Variants in SLC35D4 observed in about 807,000 individuals in gnomAD.
SLC35D4 encodes UDP-N-acetylglucosamine transporter SLC35D4.
At chr18:23,341,988 C>T in the SLC35D4 span, among the ~76,000 whole-genome samples, 1 of 69,814 alleles carries the variant, frequency 1.4e-5, no homozygotes. Flanking sequence ...AACTCATATA[C>T]ACAGGAAAAA....
chr18:23,400,552 A>G, the SLC35D4 span, among the ~76,000 whole-genome samples: 5 of 152,172 alleles, frequency 3.3e-5, no homozygotes, highest in Admixed American at 1.3e-4. Context: ...ACCTGAGCTC[A>G]GGAGGCAGAG....
the SLC35D4 span, among the ~76,000 whole-genome samples, chr18:23,254,251 G>A: frequency 2.6e-5 from 4 of 152,244 alleles, no homozygotes; most frequent in Admixed American, 2.6e-4. Flanking sequence ...CCCCCAGGCA[G>A]TGTGACCCAC....
the SLC35D4 span, among the ~76,000 whole-genome samples, chr18:23,264,049 G>A: frequency 2.0e-5 from 3 of 152,240 alleles, no homozygotes; most frequent in East Asian, 5.8e-4. Flanking sequence ...CACTGGTTGA[G>A]TTAAATGAGC....
chr18:23,426,668 T>C, the SLC35D4 span, among the ~76,000 whole-genome samples: 5 of 152,300 alleles, frequency 3.3e-5, no homozygotes, highest in African/African-American at 1.2e-4. Context: ...AAAAAACTAC[T>C]TTAAAGTTCA....
At chr18:23,388,511 T>G in the SLC35D4 span, among the ~76,000 whole-genome samples, 1 of 152,182 alleles carries the variant, frequency 6.6e-6, no homozygotes. Context: ...AGCCCACACC[T>G]TCTAGCCTTG....
the SLC35D4 span, among the ~76,000 whole-genome samples, chr18:23,392,969 G>A: frequency 3.2e-3 from 487 of 152,250 alleles, 5 homozygotes; most frequent in African/African-American, 0.011. Context: ...AGGCTGCAGT[G>A]CAGTGGCATG....
chr18:23,250,940 C>T, the SLC35D4 span, among the ~76,000 whole-genome samples: 2 of 152,202 alleles, frequency 1.3e-5, no homozygotes, highest in Admixed American at 1.3e-4. Context: ...GTGCTGGCTG[C>T]TTGCCTCCTC....
chr18:23,338,772 C>T, the SLC35D4 span, among the ~76,000 whole-genome samples: 1 of 152,198 alleles, frequency 6.6e-6, no homozygotes, highest in South Asian at 2.1e-4. Context: ...TCTGTACCCA[C>T]AATGCGCTCC....
the SLC35D4 span, chr18:23,399,544 C>T: frequency 1.2e-6 from 2 of 1,610,572 alleles, no homozygotes; most frequent in East Asian, 2.2e-5. Flanking sequence ...GGAGTTGTTT[C>T]CCCTGAACCT....
chr18:23,405,245 T>G, the SLC35D4 span, among the ~76,000 whole-genome samples: 1 of 152,136 alleles, frequency 6.6e-6, no homozygotes, highest in Non-Finnish European at 1.5e-5. Flanking sequence ...TGGAGTGCAA[T>G]GGCACAATCT....
the SLC35D4 span, among the ~76,000 whole-genome samples, chr18:23,424,420 C>T: frequency 6.6e-6 from 1 of 152,194 alleles, no homozygotes; most frequent in South Asian, 2.1e-4. Context: ...TTGTTCTAGG[C>T]ACTTGGAATA....
the SLC35D4 span, chr18:23,297,838 C>T: frequency 1.4e-6 from 1 of 737,050 alleles, no homozygotes; most frequent in Non-Finnish European, 2.2e-6. Context: ...CATCAGCCAC[C>T]ACCACATTCA....
the SLC35D4 span, among the ~76,000 whole-genome samples, chr18:23,435,431 T>G: frequency 6.6e-6 from 1 of 152,012 alleles, no homozygotes; most frequent in Admixed American, 6.6e-5. Flanking sequence ...ATTAGAAGAG[T>G]TAAATTGAAA....
the SLC35D4 span, among the ~76,000 whole-genome samples, chr18:23,248,756 C>A: frequency 1.1e-4 from 17 of 152,204 alleles, no homozygotes; most frequent in African/African-American, 3.9e-4. Context: ...ACCCAGGAGG[C>A]AGGGTGTGCA....
At chr18:23,255,923 A>C in the SLC35D4 span, among the ~76,000 whole-genome samples, 1 of 152,174 alleles carries the variant, frequency 6.6e-6, no homozygotes, top group Admixed American at 6.5e-5. Context: ...ATGCACATTT[A>C]ATCATAGTTG....
the SLC35D4 span, among the ~76,000 whole-genome samples, chr18:23,434,440 A>C: frequency 6.6e-6 from 1 of 152,156 alleles, no homozygotes; most frequent in Non-Finnish European, 1.5e-5. Context: ...ATTTGGTTTA[A>C]TTTCATCTAA....
At chr18:23,313,954 T>C in the SLC35D4 span, among the ~76,000 whole-genome samples, 1 of 152,382 alleles carries the variant, frequency 6.6e-6, no homozygotes, top group Middle Eastern at 3.4e-3. Flanking sequence ...CTTGGCCTTA[T>C]GACTAGAACC....
chr18:23,332,427 T>C, the SLC35D4 span, among the ~76,000 whole-genome samples: 1 of 96,672 alleles, frequency 1.0e-5, no homozygotes, highest in East Asian at 2.5e-4. Context: ...ATTATGTAGA[T>C]GTTGTTTAGC....
the SLC35D4 span, among the ~76,000 whole-genome samples, chr18:23,409,891 TAGAC>T: frequency 5.4e-5 from 8 of 148,776 alleles, no homozygotes; most frequent in Admixed American, 2.0e-4. Context: ...GTATTGAACA[TAGAC>T]AGACCTTTCT....
Sources: allele counts gnomAD v4.1 joint callset (sites outside exome capture counted in the v4.1 genomes callset), GRCh38; gene constraint gnomAD v4.1.1; transcripts MANE v1.5; gene names NCBI Gene and HGNC (gene_info 2026-07-23, HGNC 2026-07-21).